The following PXYLP1 variants were observed in gnomAD, a reference collection of about 807,000 sequenced individuals.
PXYLP1 encodes 2-phosphoxylose phosphatase 1, also known as acid phosphatase-like 2.
A neutral mutation model predicts 37.9 loss-of-function variants in PXYLP1; 17 were observed. That is an observed-to-expected ratio of 0.45 (90% confidence interval 0.31 to 0.67). The LOEUF (loss-of-function observed/expected upper bound fraction) is 0.67. Ranked by LOEUF, PXYLP1 falls within the 30% of genes least tolerant of loss-of-function variation. The pLI, the probability that PXYLP1 is intolerant of heterozygous loss-of-function variation, is 0.07. For synonymous variants in PXYLP1, 221 were observed against 232.2 expected, an observed-to-expected ratio of 0.95 and a Z score of 0.44; for missense variants, 511 against 612.0, an observed-to-expected ratio of 0.84 and a Z score of 1.74.
At chr3:141,262,661 C>G (rs1236359211) in intron 2 of PXYLP1, 1 of 1,529,792 alleles carries the variant, frequency 6.5e-7, no homozygotes, top group Admixed American at 2.0e-5. Context: ...GCTCTTTATT[C>G]TTGGATACGT....
intron 2 of PXYLP1, chr3:141,262,766 G>A: frequency 1.5e-6 from 2 of 1,342,064 alleles, no homozygotes; most frequent in Non-Finnish European, 2.1e-6. Flanking sequence ...GTAGAAGTGA[G>A]TTTAATTGCT....
intron 1 of PXYLP1, among the ~76,000 whole-genome samples, chr3:141,256,938 G>A (rs1941276975): frequency 6.6e-6 from 1 of 152,192 alleles, no homozygotes; most frequent in South Asian, 2.1e-4. Context: ...TCACAGATTG[G>A]TAGAGATGTC....
chr3:141,273,871 C>T, intron 2 of PXYLP1: 2 of 985,360 alleles, frequency 2.0e-6, no homozygotes, highest in Non-Finnish European at 2.4e-6. Context: ...ATCTCGTATC[C>T]TGTTATTCGT....
At chr3:141,274,468 A>T (rs1446263717) in intron 2 of PXYLP1, 2 of 1,508,752 alleles carry the variant, frequency 1.3e-6, no homozygotes, top group African/African-American at 2.8e-5. Context: ...AGCCAGCTTC[A>T]TCAGTTTTTC....
At chr3:141,235,127 A>G (rs560185154) in intron 1 of PXYLP1, 1 of 152,392 alleles carries the variant, frequency 6.6e-6, no homozygotes, top group East Asian at 1.9e-4. Flanking sequence ...AAGTGTGCCC[A>G]CATTCCAGTG....
At chr3:141,255,617 T>C (rs1423332767) in intron 1 of PXYLP1, among the ~76,000 whole-genome samples, 1 of 152,248 alleles carries the variant, frequency 6.6e-6, no homozygotes, top group Non-Finnish European at 1.5e-5. Flanking sequence ...ATCCTGGCTG[T>C]CGCCTGGCAT....
At chr3:141,269,089 A>G (rs1941601998) in intron 2 of PXYLP1, among the ~76,000 whole-genome samples, 1 of 152,192 alleles carries the variant, frequency 6.6e-6, no homozygotes, top group South Asian at 2.1e-4. Flanking sequence ...TCTTTCCTTG[A>G]GGTGGCCTCC....
At chr3:141,265,183 T>C (rs576713681) in intron 2 of PXYLP1, among the ~76,000 whole-genome samples, 4 of 152,130 alleles carry the variant, frequency 2.6e-5, no homozygotes, top group Non-Finnish European at 5.9e-5. Flanking sequence ...ACCTACCTCC[T>C]ATCACTACAC....
chr3:141,288,828 C>T (rs1422671283), intron 5 of PXYLP1, among the ~76,000 whole-genome samples: 2 of 152,148 alleles, frequency 1.3e-5, no homozygotes, highest in Non-Finnish European at 2.9e-5. Flanking sequence ...CCCGGGAGGT[C>T]AAGGCTGCAG....
At chr3:141,290,941 G>A (rs1277049067) in intron 5 of PXYLP1, among the ~76,000 whole-genome samples, 3 of 152,254 alleles carry the variant, frequency 2.0e-5, no homozygotes, top group East Asian at 1.9e-4. Context: ...GGTGAGACAC[G>A]GAATCTAATG....
chr3:141,240,373 G>T (rs992638051), intron 1 of PXYLP1, among the ~76,000 whole-genome samples: 1 of 152,034 alleles, frequency 6.6e-6, no homozygotes, highest in Non-Finnish European at 1.5e-5. Flanking sequence ...TTCTGCTTGG[G>T]GCTTTCCTCC....
At chr3:141,240,658 C>T (rs1024100364) in intron 1 of PXYLP1, among the ~76,000 whole-genome samples, 1 of 152,078 alleles carries the variant, frequency 6.6e-6, no homozygotes, top group African/African-American at 2.4e-5. Context: ...TCTGCCCCCT[C>T]CTCCCCCCAA....
intron 1 of PXYLP1, among the ~76,000 whole-genome samples, chr3:141,241,011 C>T (rs1317148798): frequency 6.6e-6 from 1 of 152,122 alleles, no homozygotes; most frequent in African/African-American, 2.4e-5. Flanking sequence ...CCTATGAGAG[C>T]TCCCTGTTTT....
Position 141,274,199 on chromosome 3 carries a change from C to T in PXYLP1, c.80-4143C>T, listed in dbSNP as rs138064298. On this transcript the variant is annotated intron_variant, in intron 2 of 5. Coordinates refer to ENST00000286353, the MANE Select transcript of PXYLP1 (RefSeq NM_001037172.3). ...CCTCAGCTCCCTTTATCTAGGTGAT[C>T]GGGGCAAGCCTCAAGAGCTGATGTG... 1.3e-4 allele frequency: 139 copies of T among 1,057,506 alleles called. No homozygotes were observed. In the African/African-American group the frequency reaches 1.7e-3, roughly 13 times the overall value. 65.5% of individuals were successfully genotyped at this position (1,057,506 alleles called of 1,614,324 possible). A position where few individuals can be genotyped will look rare whatever the true frequency, so the allele number is the denominator to read the frequency against.
intron 5 of PXYLP1, among the ~76,000 whole-genome samples, chr3:141,291,271 C>T (rs186334927): frequency 1.1e-4 from 16 of 151,486 alleles, no homozygotes; most frequent in East Asian, 3.9e-4. Context: ...GATTGTGTCC[C>T]GTTACCTCCT....
rs1942294530 is a variant in PXYLP1, at chr3:141,293,979, G to T, written c.*774G>T. Reference sequence around the variant, plus strand: ...GAAACACAGAATTTGGTCTGTATCTGACACTAGAACAAAACTTGAGGGTAA... The same window carrying T: ...GAAACACAGAATTTGGTCTGTATCTTACACTAGAACAAAACTTGAGGGTAA... On this transcript the variant is annotated 3_prime_UTR_variant, in exon 6 of 6. Coordinates refer to ENST00000286353, the MANE Select transcript of PXYLP1 (RefSeq NM_001037172.3). The T allele has an allele frequency of 6.6e-6, 1 of 152,200 alleles. No homozygotes were observed. The highest frequency in any genetic ancestry group is 2.4e-5 in the African/African-American group (1 of 41,438). 9.4% of individuals were successfully genotyped at this position (152,200 alleles called of 1,614,324 possible).
At chr3:141,276,452 C>T (rs1251882946) in intron 2 of PXYLP1, among the ~76,000 whole-genome samples, 1 of 152,160 alleles carries the variant, frequency 6.6e-6, no homozygotes, top group African/African-American at 2.4e-5. Context: ...TATACAGTGA[C>T]TTGGTGTATT....
At chr3:141,257,690 T>A (rs985881418) in intron 1 of PXYLP1, among the ~76,000 whole-genome samples, 3 of 151,958 alleles carry the variant, frequency 2.0e-5, no homozygotes, top group Admixed American at 2.0e-4. Flanking sequence ...TCACCTGAGA[T>A]CAGGAGTTCG....
intron 1 of PXYLP1, among the ~76,000 whole-genome samples, chr3:141,251,419 G>A (rs1021235391): frequency 6.6e-6 from 1 of 152,144 alleles, no homozygotes; most frequent in African/African-American, 2.4e-5. Flanking sequence ...GCCATATTAC[G>A]TCCAATCACG....
Sources: gnomAD v4.1 joint callset for allele counts (sites outside exome capture counted in the v4.1 genomes callset) on GRCh38, gnomAD v4.1.1 for gene constraint, MANE v1.5 for transcripts, NCBI Gene and HGNC (gene_info 2026-07-23, HGNC 2026-07-21) for gene names.